MAP2K1: variants seen among roughly 807,000 people sequenced by gnomAD.
The protein encoded by MAP2K1 is dual specificity mitogen-activated protein kinase kinase 1.
In MAP2K1, 16 loss-of-function variants were observed where a neutral mutation model predicts 46.3. That is an observed-to-expected ratio of 0.35 (90% CI 0.23 to 0.52). The LOEUF (loss-of-function observed/expected upper bound fraction) is 0.52. Among genes scored for constraint, MAP2K1 ranks in the 20% least tolerant of loss-of-function variants. MAP2K1 has a pLI of 0.94. For synonymous variants in MAP2K1, 183 were observed against 185.6 expected (o/e 0.99, Z 0.11); for missense variants, 263 against 497.1 (o/e 0.53, Z 4.48).
At position 66,452,287 on chromosome 15, in the gene MAP2K1, T is replaced by TTA. The variant is rs756761154; in HGVS notation, c.568+7580_568+7581insTA. 5.8e-5 allele frequency among the ~76,000 whole-genome samples: 6 copies of TTA among 103,622 alleles called. No homozygotes were observed. In the East Asian group the frequency reaches 1.5e-3, roughly 27 times the overall value. The allele number at this position is 103,622 out of a possible 152,430, so 68.0% of individuals were successfully genotyped here. ...ATGCACCCTAAAACTTAGAGTATAA[T>TTA]AAAAAAAAAAAAAAAAGAAAAAAAA... On this transcript the variant is annotated intron_variant, in intron 5 of 10. Transcript: ENST00000307102.
At chr15:66,427,090 A>T (rs776168854) in intron 1 of MAP2K1, among the ~76,000 whole-genome samples, 70 of 152,368 alleles carry the variant, frequency 4.6e-4, no homozygotes, top group Non-Finnish European at 8.1e-4. Flanking sequence ...GGCCCTCAGT[A>T]AAGTAACTAA....
chr15:66,401,928 A>G (rs772936118), intron 1 of MAP2K1: 1 of 1,312,686 alleles, frequency 7.6e-7, no homozygotes, highest in South Asian at 1.2e-5. Context: ...GTTCGGGTCG[A>G]AGGAAATGAA....
chr15:66,441,693 A>G (rs926859328), intron 3 of MAP2K1, among the ~76,000 whole-genome samples: 3 of 151,216 alleles, frequency 2.0e-5, no homozygotes, highest in African/African-American at 7.3e-5. Flanking sequence ...TTATGAATAT[A>G]TTCTGTCTCC....
intron 1 of MAP2K1, among the ~76,000 whole-genome samples, chr15:66,396,646 C>T (rs2140521302): frequency 6.6e-6 from 1 of 152,192 alleles, no homozygotes; most frequent in South Asian, 2.1e-4. Flanking sequence ...CAACTCCATG[C>T]CATGCTCAGT....
At chr15:66,420,246 AAATG>A (rs1187339633) in intron 1 of MAP2K1, among the ~76,000 whole-genome samples, 1 of 151,936 alleles carries the variant, frequency 6.6e-6, no homozygotes, top group African/African-American at 2.4e-5. Context: ...TCTGTCAAAT[AAATG>A]AATGAACGAA....
intron 1 of MAP2K1, among the ~76,000 whole-genome samples, chr15:66,412,208 A>C (rs1346530524): frequency 1.3e-5 from 2 of 152,206 alleles, no homozygotes; most frequent in Non-Finnish European, 2.9e-5. Flanking sequence ...TAATAATGTA[A>C]ATCAGTGTTG....
chr15:66,398,621 C>T (rs1237531392), intron 1 of MAP2K1, among the ~76,000 whole-genome samples: 1 of 151,372 alleles, frequency 6.6e-6, no homozygotes, highest in African/African-American at 2.4e-5. Flanking sequence ...CACTGCACAC[C>T]AGCCTGGGTG....
chr15:66,390,694 G>T (rs2140515681), intron 1 of MAP2K1, among the ~76,000 whole-genome samples: 1 of 152,268 alleles, frequency 6.6e-6, no homozygotes, highest in Middle Eastern at 3.4e-3. Flanking sequence ...TTGTTCCTCT[G>T]TTTAAAATGT....
intron 1 of MAP2K1, among the ~76,000 whole-genome samples, chr15:66,434,643 G>T (rs117284039): frequency 6.6e-6 from 1 of 152,088 alleles, no homozygotes; most frequent in Non-Finnish European, 1.5e-5. Context: ...TTTATTTTGC[G>T]TATGGTAAAA....
chr15:66,489,710 C>T lies in MAP2K1; in HGVS notation c.1023-8C>T, dbSNP rs41306345. ...CAACAGCTCTTACCTTGTCTTTCTT[C>T]CTTTAAGCTTAATAAAAAACCCCGC... On this transcript the variant is annotated splice_region_variant and splice_polypyrimidine_tract_variant and intron_variant, in intron 9 of 10. Transcript: ENST00000307102. 136,853 of 1,610,260 alleles carry T rather than the reference C, an allele frequency of 0.085. 6,018 individuals carry two copies. Among genetic ancestry groups the T allele is most frequent in the African/African-American group, 0.11 (8,241 of 74,900 alleles).
intron 1 of MAP2K1, among the ~76,000 whole-genome samples, chr15:66,418,610 T>C (rs1487104087): frequency 6.6e-6 from 1 of 152,126 alleles, no homozygotes; most frequent in Non-Finnish European, 1.5e-5. Context: ...CCAGCCCCAC[T>C]GTTTAGTGGT....
chr15:66,485,146 G>A lies in MAP2K1; in HGVS notation c.850G>A (p.Ala284Thr), dbSNP rs2140675235. The A allele has an allele frequency of 1.2e-6, 2 of 1,614,050 alleles. No homozygotes were observed. ...MFGCQVEGDA[A>T]ETPPRPRTPG... is the part of the protein sequence containing the mutation. ...TGGGTGCCAGGTGGAAGGAGATGCG[G>A]CTGAGACCCCACCCAGGCCAAGGAC... The change falls in exon 7 of 11, where the codon GCT (alanine) becomes ACT (threonine). Residue 284 changes from alanine to threonine, a missense_variant. Physicochemically the swap from Ala to Thr is moderately conservative, Grantham distance 58. Around this residue, in one of 4 missense-constraint regions of MAP2K1, gnomAD observed 118 missense variants for 193.0 expected, o/e 0.61. Transcript: ENST00000307102.
intron 1 of MAP2K1, among the ~76,000 whole-genome samples, chr15:66,420,841 G>A (rs192024281): frequency 0.8 from 49,615 of 61,830 alleles, 20,116 homozygotes; most frequent in East Asian, 0.85. Context: ...GTATATATAT[G>A]TGTGTATATA....
At chr15:66,486,899 A>G (rs1337752841) in intron 7 of MAP2K1, among the ~76,000 whole-genome samples, 1 of 152,226 alleles carries the variant, frequency 6.6e-6, no homozygotes, top group African/African-American at 2.4e-5. Context: ...TTAGTTATTT[A>G]GTTGCTATCT....
chr15:66,458,434 T>C (rs1892228362), intron 5 of MAP2K1, among the ~76,000 whole-genome samples: 1 of 152,260 alleles, frequency 6.6e-6, no homozygotes. Context: ...TCAACTTGTT[T>C]TTCTTTTCCT....
intron 1 of MAP2K1, among the ~76,000 whole-genome samples, chr15:66,392,640 GC>G (rs996648110): frequency 6.9e-6 from 1 of 144,610 alleles, no homozygotes; most frequent in Non-Finnish European, 1.5e-5. Context: ...CGCAACCTCC[GC>G]CCCCCAGGTT....
chr15:66,404,816 CACAGAGG>C (rs1451021649), intron 1 of MAP2K1, among the ~76,000 whole-genome samples: 6 of 152,146 alleles, frequency 3.9e-5, no homozygotes, highest in Admixed American at 3.3e-4. Flanking sequence ...GTTCCTGAGG[CACAGAGG>C]ACTTGGGTTA....
At chr15:66,412,786 G>A (rs1319632574) in intron 1 of MAP2K1, among the ~76,000 whole-genome samples, 1 of 152,124 alleles carries the variant, frequency 6.6e-6, no homozygotes, top group Non-Finnish European at 1.5e-5. Context: ...TGAAACTCCT[G>A]GCTTCAAGCC....
At position 66,435,246 on chromosome 15, in the gene MAP2K1, G is replaced by A. The variant is rs1473423728; in HGVS notation, c.291+9G>A. 1.2e-6 allele frequency: 2 copies of A among 1,611,856 alleles called. No individual in the cohort carries two copies. Among genetic ancestry groups the A allele is most frequent in the Non-Finnish European group, 1.7e-6 (2 of 1,178,106 alleles). ...TGGTCATGGCCAGAAAGGTGAGTTT[G>A]CCTTGATTAACAGGTAATTGGATTA... On this transcript the variant is annotated intron_variant, in intron 2 of 10. Coordinates refer to ENST00000307102, the MANE Select transcript of MAP2K1 (RefSeq NM_002755.4).
Sources: gnomAD v4.1 joint callset for allele counts (sites outside exome capture counted in the v4.1 genomes callset) on GRCh38, gnomAD v4.1.1 for gene constraint, gnomAD v4.1.1 regional missense constraint, MANE v1.5 for transcripts, NCBI Gene and HGNC (gene_info 2026-07-23, HGNC 2026-07-21) for gene names.